Variants in BBS7 observed in about 807,000 individuals in gnomAD.
BBS7 encodes BBSome complex member BBS7.
BBS7 carries 50 observed loss-of-function variants against 90.3 expected under a neutral mutation model. The ratio of observed to expected loss-of-function variants is 0.55; its 90% confidence interval spans 0.44 to 0.70. The LOEUF (loss-of-function observed/expected upper bound fraction) is 0.70. Ranked by LOEUF, BBS7 falls within the 30% of genes least tolerant of loss-of-function variation. BBS7 has a pLI of 0.00. For synonymous variants in BBS7, 235 were observed against 287.4 expected (o/e 0.82, Z 1.85); for missense variants, 729 against 838.9 (o/e 0.87, Z 1.62).
chr4:121,842,250 TCAAAAA>T (rs1204042041), intron 12 of BBS7, among the ~76,000 whole-genome samples: 1 of 74,024 alleles, frequency 1.4e-5, no homozygotes, highest in African/African-American at 6.3e-5. Flanking sequence ...AGACTCCATC[TCAAAAA>T]AAAAAAAAAA....
chr4:121,853,977 T>C (rs927371644), intron 7 of BBS7, among the ~76,000 whole-genome samples: 3 of 152,168 alleles, frequency 2.0e-5, no homozygotes, highest in Admixed American at 6.5e-5. Flanking sequence ...ACTTACTTTT[T>C]CCTCTTCCTG....
At chr4:121,866,575 C>T (rs1258314992) in intron 2 of BBS7, among the ~76,000 whole-genome samples, 1 of 151,990 alleles carries the variant, frequency 6.6e-6, no homozygotes, top group Non-Finnish European at 1.5e-5. Flanking sequence ...ACATTTAGGT[C>T]TCTGATCCAT....
Position 121,828,719 on chromosome 4 carries a change from C to G in BBS7, c.1686G>C (p.Glu562Asp), listed in dbSNP as rs777324298. The change falls in exon 16 of 19, where the codon GAG becomes GAC. Residue 562 changes from glutamate to aspartate, a missense_variant. Glu to Asp is a conservative substitution (Grantham distance 45, BLOSUM62 2). Transcript: ENST00000264499. ...TQLESTYRKGEGVFKSDNIST... is the reference protein window; with the variant it reads ...TQLESTYRKGDGVFKSDNIST... ...AAATGTTGTCAGATTTAAAAACTCCCTCTCCTTTTCTATAAAATTAATATA... is the reference window on the plus strand; with the variant it reads ...AAATGTTGTCAGATTTAAAAACTCCGTCTCCTTTTCTATAAAATTAATATA... 2 of 1,552,268 alleles carry G rather than the reference C, an allele frequency of 1.3e-6. No individual in the cohort carries two copies. The highest frequency in any genetic ancestry group is 1.8e-6 in the Non-Finnish European group (2 of 1,131,714).
intron 10 of BBS7, 84 bp downstream of exon 10, chr4:121,847,318 AAT>A (rs1456798691): frequency 4.7e-6 from 4 of 855,598 alleles, no homozygotes; most frequent in African/African-American, 1.7e-5. Flanking sequence ...CTTCCAATAA[AAT>A]ATACTGCATC....
chr4:121,860,886 C>G (rs1726935276), intron 4 of BBS7, among the ~76,000 whole-genome samples: 2 of 152,070 alleles, frequency 1.3e-5, no homozygotes, highest in Admixed American at 6.6e-5. Context: ...AAAATAAAAC[C>G]TACTCCTGGT....
At chr4:121,843,538 A>C (rs1725848885) in intron 12 of BBS7, among the ~76,000 whole-genome samples, 1 of 152,200 alleles carries the variant, frequency 6.6e-6, no homozygotes, top group Non-Finnish European at 1.5e-5. Context: ...CAAAACTCTA[A>C]ACTTTTTGAG....
rs147141015 is a variant in BBS7, at chr4:121,868,535, G to C, written c.37-489C>G. ...TGTCTCTACAAAAAATAAAAAATTA[G>C]CTAGGCATGGTGGTGCATGCCTGCA... On this transcript the variant is annotated intron_variant, in intron 1 of 18. Coordinates refer to ENST00000264499, the MANE Select transcript of BBS7 (RefSeq NM_176824.3). Among the ~76,000 whole-genome samples the C allele has an allele frequency of 5.6e-3, 845 of 151,722 alleles. 3 individuals carry two copies. The highest frequency in any genetic ancestry group is 0.011 in the South Asian group (55 of 4,804).
chr4:121,827,012 T>C (rs1325357827), intron 18 of BBS7, among the ~76,000 whole-genome samples: 2 of 151,940 alleles, frequency 1.3e-5, no homozygotes, highest in Non-Finnish European at 2.9e-5. Flanking sequence ...AAACAAAAAA[T>C]ATATATAAAA....
rs201750945 is a variant in BBS7, at chr4:121,856,079, A to G, written c.529-518T>C. ...AAACTTGACACTGGCAGATTTTCCT[A>G]TCAAGTCTCTAGGAACAAATTATTC... On this transcript the variant is annotated intron_variant, in intron 5 of 18. Coordinates refer to ENST00000264499, the MANE Select transcript of BBS7 (RefSeq NM_176824.3). 2.6e-4 allele frequency among the ~76,000 whole-genome samples: 39 copies of G among 152,272 alleles called. 1 individual carries two copies. The highest frequency in any genetic ancestry group is 2.1e-3 in the East Asian group (11 of 5,176).
chr4:121,864,769 T>C (rs1376144773), intron 2 of BBS7, among the ~76,000 whole-genome samples: 1 of 152,212 alleles, frequency 6.6e-6, no homozygotes, highest in East Asian at 1.9e-4. Context: ...TTTATTCATT[T>C]ATTTTTTAAT....
intron 6 of BBS7, among the ~76,000 whole-genome samples, chr4:121,855,138 C>A (rs1280850404): frequency 6.6e-6 from 1 of 151,762 alleles, no homozygotes; most frequent in East Asian, 1.9e-4. Context: ...CATGGCGAAA[C>A]CCTGTCTCTA....
intron 5 of BBS7, among the ~76,000 whole-genome samples, chr4:121,855,823 C>CAT (rs900084784): frequency 1.1e-5 from 1 of 90,532 alleles, no homozygotes; most frequent in Non-Finnish European, 2.7e-5. Context: ...CACATGTATA[C>CAT]ATATATACAC....
chr4:121,840,737 GAAAT>G (rs1175228238), intron 12 of BBS7, among the ~76,000 whole-genome samples: 1 of 151,604 alleles, frequency 6.6e-6, no homozygotes, highest in Admixed American at 6.6e-5. Context: ...AATAATCAAA[GAAAT>G]AAAAAGGATG....
intron 8 of BBS7, among the ~76,000 whole-genome samples, chr4:121,849,408 T>C (rs1004769913): frequency 1.3e-5 from 2 of 152,160 alleles, no homozygotes; most frequent in Admixed American, 6.5e-5. Flanking sequence ...TGCCATGTTT[T>C]CCAGGCTGGT....
intron 2 of BBS7, among the ~76,000 whole-genome samples, chr4:121,864,717 C>A (rs955192246): frequency 5.9e-5 from 9 of 152,086 alleles, no homozygotes; most frequent in Non-Finnish European, 1.0e-4. Flanking sequence ...AGACTTAATA[C>A]AGTAAATGAC....
At chr4:121,844,495 G>A (rs997114763) in intron 11 of BBS7, among the ~76,000 whole-genome samples, 31 of 151,578 alleles carry the variant, frequency 2.0e-4, no homozygotes, top group African/African-American at 6.5e-4. Context: ...GCAACAGCCC[G>A]TGAGCTAGCA....
At chr4:121,852,069 G>A (rs1726350549) in intron 8 of BBS7, among the ~76,000 whole-genome samples, 1 of 152,204 alleles carries the variant, frequency 6.6e-6, no homozygotes, top group Non-Finnish European at 1.5e-5. Flanking sequence ...ATCATTAGCA[G>A]GATGACTTTT....
chr4:121,842,763 C>T (rs777960817), intron 12 of BBS7, among the ~76,000 whole-genome samples: 2 of 152,192 alleles, frequency 1.3e-5, no homozygotes, highest in African/African-American at 2.4e-5. Flanking sequence ...TCTCCTCCTG[C>T]TCTGGCTTGC....
intron 13 of BBS7, among the ~76,000 whole-genome samples, chr4:121,836,763 A>G (rs576872021): frequency 1.3e-5 from 2 of 152,264 alleles, no homozygotes; most frequent in Non-Finnish European, 2.9e-5. Context: ...AACAACTTAT[A>G]TTTCCACCAG....
Sources: allele counts gnomAD v4.1 joint callset (sites outside exome capture counted in the v4.1 genomes callset), GRCh38; gene constraint gnomAD v4.1.1; transcripts MANE v1.5; gene names NCBI Gene and HGNC (gene_info 2026-07-23, HGNC 2026-07-21).